The following CA10 variants were observed in gnomAD, a reference collection of about 807,000 sequenced individuals.
The protein encoded by CA10 is carbonic anhydrase-related protein 10.
In CA10, 14 loss-of-function variants were observed where a neutral mutation model predicts 44.2. The ratio of observed to expected loss-of-function variants is 0.32; its 90% CI spans 0.21 to 0.50. The LOEUF (loss-of-function observed/expected upper bound fraction) is 0.50, where lower values mean the gene tolerates loss of function less well. Ranked by LOEUF, CA10 falls within the 20% of genes least tolerant of loss-of-function variation. The pLI, the probability that CA10 is intolerant of heterozygous loss-of-function variation, is 0.99. For synonymous variants in CA10, 159 were observed against 141.6 expected, an observed-to-expected ratio of 1.12 and a Z score of -0.87; for missense variants, 350 against 409.7, an observed-to-expected ratio of 0.85 and a Z score of 1.26.
chr17:52,101,313 G>A (rs1046004906), intron 1 of CA10, among the ~76,000 whole-genome samples: 8 of 152,154 alleles, frequency 5.3e-5, no homozygotes, highest in African/African-American at 1.7e-4. Flanking sequence ...AGATGGCGAA[G>A]CACCATCTCT....
rs1988060154 is a variant in CA10, at chr17:52,084,316, T to A, written c.62-11923A>T. On this transcript the variant is annotated intron_variant, in intron 1 of 8. Transcript: ENST00000451037. ...GGCCAGGGCAGATTTATTTTTTATG[T>A]ATATCATAGCTCAACATAGTTTTGT... Among the ~76,000 whole-genome samples, 3 of 152,220 alleles carry A rather than the reference T, an allele frequency of 2.0e-5. No individual in the cohort carries two copies. The South Asian group carries it at 6.2e-4, about 32-fold the overall frequency.
chr17:51,669,323 C>G (rs1398593453), intron 4 of CA10, among the ~76,000 whole-genome samples: 1 of 152,062 alleles, frequency 6.6e-6, no homozygotes, highest in Non-Finnish European at 1.5e-5. Context: ...CAGTGTCTAG[C>G]TAATCTAGTG....
At chr17:52,093,903 G>A (rs1988334199) in intron 1 of CA10, among the ~76,000 whole-genome samples, 1 of 152,068 alleles carries the variant, frequency 6.6e-6, no homozygotes, top group Non-Finnish European at 1.5e-5. Context: ...CTTGATCAGG[G>A]TCATTCATCT....
At chr17:51,774,588 C>G (rs1905740073) in intron 3 of CA10, among the ~76,000 whole-genome samples, 2 of 152,028 alleles carry the variant, frequency 1.3e-5, no homozygotes, top group South Asian at 4.2e-4. Context: ...TACAGGCGCA[C>G]ACCACCACAT....
intron 3 of CA10, among the ~76,000 whole-genome samples, chr17:51,879,265 T>G (rs1427179259): frequency 6.6e-6 from 1 of 152,132 alleles, no homozygotes; most frequent in Non-Finnish European, 1.5e-5. Context: ...CATGTGTAGC[T>G]CTATTTCTTT....
intron 1 of CA10, among the ~76,000 whole-genome samples, chr17:52,113,032 T>C (rs1312802654): frequency 3.0e-4 from 46 of 152,234 alleles, no homozygotes; most frequent in Admixed American, 3.0e-3. Flanking sequence ...AAATATTTAA[T>C]GGCCAGCCTA....
At chr17:51,920,640 G>A (rs1390639793) in intron 3 of CA10, among the ~76,000 whole-genome samples, 1 of 152,044 alleles carries the variant, frequency 6.6e-6, no homozygotes, top group Non-Finnish European at 1.5e-5. Context: ...ATGTCAAGAG[G>A]TAAACATTAC....
chr17:51,850,717 C>A (rs922100803), intron 3 of CA10, among the ~76,000 whole-genome samples: 6 of 152,182 alleles, frequency 3.9e-5, no homozygotes, highest in Non-Finnish European at 8.8e-5. Context: ...ACCACTGTAT[C>A]CTCAGCTCTT....
intron 3 of CA10, among the ~76,000 whole-genome samples, chr17:51,831,613 A>C (rs1908242902): frequency 6.6e-6 from 1 of 151,352 alleles, no homozygotes; most frequent in South Asian, 2.1e-4. Flanking sequence ...AAGAAAAGGA[A>C]AACAAAAAAG....
Position 52,091,689 on chromosome 17 carries a change from A to G in CA10, c.62-19296T>C, listed in dbSNP as rs1473341036. 2.0e-5 allele frequency among the ~76,000 whole-genome samples: 3 copies of G among 152,206 alleles called. No homozygotes were observed. In the East Asian group the frequency reaches 5.8e-4, roughly 29 times the overall value. On this transcript the variant is annotated intron_variant, in intron 1 of 8. Transcript: ENST00000451037. ...GGAACTTGGTAACACTTTGGACTCA[A>G]TTTTGATTTGCAGTTGTACAAGACA...
chr17:51,788,697 A>G (rs1350333975), intron 3 of CA10, among the ~76,000 whole-genome samples: 2 of 152,234 alleles, frequency 1.3e-5, no homozygotes, highest in East Asian at 1.9e-4. Context: ...CTCCTTTAGG[A>G]TGATTTCCCT....
intron 3 of CA10, among the ~76,000 whole-genome samples, chr17:51,900,409 G>C (rs377195409): frequency 6.6e-6 from 1 of 152,100 alleles, no homozygotes; most frequent in African/African-American, 2.4e-5. Context: ...TTAGCCTGAT[G>C]GGGTTCTCTT....
Position 51,870,107 on chromosome 17 carries a change from T to C in CA10, c.279+60883A>G, listed in dbSNP as rs143098449. The stretch of plus-strand genomic sequence containing the variant: ...GATTCAAGAATCTGACATACAGTTA[T>C]GATACTCTGTCTTAGCCTCTCCTTA... On this transcript the variant is annotated intron_variant, in intron 3 of 8. Coordinates refer to ENST00000451037, the MANE Select transcript of CA10 (RefSeq NM_020178.5). Among the ~76,000 whole-genome samples the C allele has an allele frequency of 2.5e-3, 384 of 152,362 alleles. 1 individual carries two copies. The highest frequency in any genetic ancestry group is 8.5e-3 in the African/African-American group (354 of 41,596).
At chr17:51,661,222 C>T (rs1451164340) in intron 4 of CA10, among the ~76,000 whole-genome samples, 2 of 49,636 alleles carry the variant, frequency 4.0e-5, no homozygotes, top group South Asian at 6.5e-4. Context: ...TTAACTGTAT[C>T]AAGGCAGAAA....
At chr17:52,091,938 T>C (rs1379852062) in intron 1 of CA10, among the ~76,000 whole-genome samples, 1 of 152,214 alleles carries the variant, frequency 6.6e-6, no homozygotes, top group East Asian at 1.9e-4. Context: ...GGATAAATGT[T>C]ACCTTTGAAA....
chr17:51,959,196 T>C (rs942761356), intron 2 of CA10, among the ~76,000 whole-genome samples: 5 of 149,172 alleles, frequency 3.4e-5, no homozygotes, highest in African/African-American at 9.9e-5. Context: ...CACCTCAAAC[T>C]CTGGAAGACA....
intron 1 of CA10, among the ~76,000 whole-genome samples, chr17:52,113,349 C>T (rs1160431429): frequency 6.6e-6 from 1 of 151,984 alleles, no homozygotes; most frequent in African/African-American, 2.4e-5. Flanking sequence ...ACTTCCTTTC[C>T]ACCTTTTCCT....
chr17:51,944,653 C>T (rs1164552383), intron 2 of CA10, among the ~76,000 whole-genome samples: 5 of 151,834 alleles, frequency 3.3e-5, no homozygotes, highest in Non-Finnish European at 7.4e-5. Context: ...TATATAGTCT[C>T]AAATATATAA....
chr17:51,810,149 T>C (rs562258151), intron 3 of CA10, among the ~76,000 whole-genome samples: 7 of 152,312 alleles, frequency 4.6e-5, no homozygotes, highest in African/African-American at 1.7e-4. Flanking sequence ...CTATACAGAA[T>C]ATTGATCAAC....
Sources: gnomAD v4.1 joint callset for allele counts (sites outside exome capture counted in the v4.1 genomes callset) on GRCh38, gnomAD v4.1.1 for gene constraint, MANE v1.5 for transcripts, NCBI Gene and HGNC (gene_info 2026-07-23, HGNC 2026-07-21) for gene names.